Variants in SPOCK3 observed in about 807,000 individuals in gnomAD.
SPOCK3 encodes SPARC (osteonectin), cwcv and kazal like domains proteoglycan 3, also known as testican-3.
SPOCK3 carries 30 observed loss-of-function variants against 56.6 expected under a neutral mutation model. That is an observed-to-expected ratio of 0.53 (90% CI 0.40 to 0.72). SPOCK3 has a LOEUF of 0.72. SPOCK3 is among the 30% of genes least tolerant of loss of function. The pLI, the probability that SPOCK3 is intolerant of heterozygous loss-of-function variation, is 0.00. For synonymous variants in SPOCK3, 196 were observed against 183.3 expected (o/e 1.07, Z -0.56); for missense variants, 527 against 530.0 (o/e 0.99, Z 0.06).
intron 6 of SPOCK3, among the ~76,000 whole-genome samples, chr4:166,814,678 C>T (rs749284143): frequency 5.9e-5 from 9 of 152,092 alleles, no homozygotes; most frequent in Non-Finnish European, 1.2e-4. Flanking sequence ...CTGAAGGCTG[C>T]ACTGTTGGCT....
intron 7 of SPOCK3, among the ~76,000 whole-genome samples, chr4:166,775,893 G>T (rs193094994): frequency 6.6e-6 from 1 of 152,140 alleles, no homozygotes; most frequent in Non-Finnish European, 1.5e-5. Context: ...ATATGGAACA[G>T]ATATAAATGT....
At chr4:167,071,804 T>C (rs1756714910) in intron 2 of SPOCK3, among the ~76,000 whole-genome samples, 1 of 152,024 alleles carries the variant, frequency 6.6e-6, no homozygotes, top group Admixed American at 6.6e-5. Flanking sequence ...CCACACTGTC[T>C]TCCACAATGG....
chr4:166,999,589 GAGAA>G (rs1561102598), intron 4 of SPOCK3, among the ~76,000 whole-genome samples: 2 of 152,072 alleles, frequency 1.3e-5, no homozygotes, highest in African/African-American at 2.4e-5. Flanking sequence ...TCCATTATCA[GAGAA>G]AGAGTATTCT....
intron 7 of SPOCK3, among the ~76,000 whole-genome samples, chr4:166,772,362 T>C (rs1739044907): frequency 6.6e-6 from 1 of 152,146 alleles, no homozygotes; most frequent in Non-Finnish European, 1.5e-5. Context: ...TGAATGTATC[T>C]ATATTGTGTC....
At chr4:166,846,081 G>T (rs1221963374) in intron 6 of SPOCK3, among the ~76,000 whole-genome samples, 3 of 152,138 alleles carry the variant, frequency 2.0e-5, no homozygotes, top group African/African-American at 7.2e-5. Context: ...AAGACTAAAT[G>T]AGGGCTATAA....
chr4:166,829,513 T>G (rs1401418737), intron 6 of SPOCK3, among the ~76,000 whole-genome samples: 1 of 152,124 alleles, frequency 6.6e-6, no homozygotes, highest in Non-Finnish European at 1.5e-5. Context: ...TTTTACTATT[T>G]AGTTATTTGC....
At chr4:167,098,871 T>C (rs555122492) in intron 2 of SPOCK3, among the ~76,000 whole-genome samples, 1 of 152,224 alleles carries the variant, frequency 6.6e-6, no homozygotes, top group Admixed American at 6.6e-5. Context: ...CAGAAGAAAC[T>C]ATGCCTTTTT....
chr4:166,926,818 G>C (rs955839541), intron 4 of SPOCK3, among the ~76,000 whole-genome samples: 2 of 152,048 alleles, frequency 1.3e-5, no homozygotes, highest in African/African-American at 4.8e-5. Flanking sequence ...CTGCAAAAAG[G>C]ACCCTCTGAA....
intron 2 of SPOCK3, among the ~76,000 whole-genome samples, chr4:167,137,983 C>T (rs930928399): frequency 2.0e-5 from 3 of 151,458 alleles, no homozygotes; most frequent in African/African-American, 7.3e-5. Context: ...TTTATGATGC[C>T]ACATTTTAAT....
chr4:166,972,013 A>G (rs1209018034), intron 4 of SPOCK3, among the ~76,000 whole-genome samples: 2 of 152,164 alleles, frequency 1.3e-5, no homozygotes, highest in Non-Finnish European at 2.9e-5. Context: ...CTGGATAGAT[A>G]CATAATAATT....
intron 2 of SPOCK3, among the ~76,000 whole-genome samples, chr4:167,167,196 A>G (rs1182211326): frequency 6.6e-6 from 1 of 152,158 alleles, no homozygotes; most frequent in Non-Finnish European, 1.5e-5. Context: ...ATCATCAATA[A>G]TCCAAGAAAC....
At chr4:166,925,638 G>T (rs1227051622) in intron 4 of SPOCK3, among the ~76,000 whole-genome samples, 4 of 151,778 alleles carry the variant, frequency 2.6e-5, no homozygotes, top group Non-Finnish European at 4.4e-5. Flanking sequence ...AGCCTTCTTG[G>T]TTTCTAGTGA....
chr4:167,220,544 A>ATTT (rs528592723), intron 2 of SPOCK3, among the ~76,000 whole-genome samples: 2 of 140,582 alleles, frequency 1.4e-5, no homozygotes, highest in Admixed American at 7.2e-5. Context: ...CACACAGCTA[A>ATTT]TTTTTTTTTT....
At chr4:166,769,281 AGCTTTTCT>A (rs1738589417) in intron 7 of SPOCK3, among the ~76,000 whole-genome samples, 1 of 152,064 alleles carries the variant, frequency 6.6e-6, no homozygotes, top group East Asian at 1.9e-4. Flanking sequence ...TAGTATTTTC[AGCTTTTCT>A]GCTCTGTTTT....
chr4:166,913,867 A>T (rs1336233939), intron 4 of SPOCK3, among the ~76,000 whole-genome samples: 2 of 152,126 alleles, frequency 1.3e-5, no homozygotes, highest in East Asian at 1.9e-4. Context: ...ACATTCTGCC[A>T]AAAGACCACA....
intron 2 of SPOCK3, among the ~76,000 whole-genome samples, chr4:167,173,499 G>A (rs72699691): frequency 0.02 from 3,038 of 152,176 alleles, 51 homozygotes; most frequent in Admixed American, 0.061. Context: ...TCTGAAGGAT[G>A]TTTATTACAT....
chr4:166,877,243 C>A (rs1579509437), intron 6 of SPOCK3, among the ~76,000 whole-genome samples: 1 of 152,108 alleles, frequency 6.6e-6, no homozygotes, highest in Non-Finnish European at 1.5e-5. Context: ...AATTCTGAAC[C>A]TTTCAGAGCC....
chr4:166,823,927 A>G (rs941766376), intron 6 of SPOCK3, among the ~76,000 whole-genome samples: 9 of 152,040 alleles, frequency 5.9e-5, no homozygotes, highest in African/African-American at 2.2e-4. Flanking sequence ...TGGTTTGCAT[A>G]ATCTATCAAA....
chr4:166,861,725 C>G (rs868167592), intron 6 of SPOCK3, among the ~76,000 whole-genome samples: 2 of 152,164 alleles, frequency 1.3e-5, no homozygotes, highest in South Asian at 4.1e-4. Flanking sequence ...TCCTAAGAGC[C>G]TGATTAGACA....
Sources: allele counts gnomAD v4.1 joint callset (sites outside exome capture counted in the v4.1 genomes callset), GRCh38; gene constraint gnomAD v4.1.1; transcripts MANE v1.5; gene names NCBI Gene and HGNC (gene_info 2026-07-23, HGNC 2026-07-21).